The following MRPL3 variants were observed in gnomAD, a reference collection of about 807,000 sequenced individuals.
MRPL3 encodes the protein large ribosomal subunit protein uL3m.
MRPL3 carries 43 observed loss-of-function variants against 44.3 expected under a neutral mutation model. The ratio of observed to expected loss-of-function variants is 0.97; its 90% CI spans 0.76 to 1.25. The LOEUF (loss-of-function observed/expected upper bound fraction) is 1.25. Among genes scored for constraint, MRPL3 ranks in the 50% most tolerant of loss-of-function variants. MRPL3 has a pLI of 0.00. For missense variants in MRPL3, 406 were observed against 427.6 expected (o/e 0.95, Z 0.45); for synonymous variants, 171 against 152.3 (o/e 1.12, Z -0.91).
chr3:131,490,722 A>T (rs1439073409), intron 4 of MRPL3, among the ~76,000 whole-genome samples: 1 of 152,236 alleles, frequency 6.6e-6, no homozygotes, highest in Non-Finnish European at 1.5e-5. Context: ...TATTAACAGT[A>T]CTATCCTCCC....
intron 4 of MRPL3, among the ~76,000 whole-genome samples, chr3:131,494,280 GCTGAAATT>G (rs1299630980): frequency 6.6e-6 from 1 of 152,052 alleles, no homozygotes; most frequent in Non-Finnish European, 1.5e-5. Context: ...TTTCCTACAC[GCTGAAATT>G]AACACTAACA....
intron 9 of MRPL3, among the ~76,000 whole-genome samples, chr3:131,463,513 C>G (rs66495234): frequency 0.085 from 12,993 of 152,034 alleles, 1,009 homozygotes; most frequent in African/African-American, 0.21. Context: ...CTTCCATGGC[C>G]TTAGTGCATT....
intron 6 of MRPL3, among the ~76,000 whole-genome samples, chr3:131,482,743 C>T (rs1439240333): frequency 6.6e-6 from 1 of 151,986 alleles, no homozygotes; most frequent in Non-Finnish European, 1.5e-5. Context: ...AGTCTTCTGA[C>T]TTCAAATTTT....
intron 6 of MRPL3, among the ~76,000 whole-genome samples, chr3:131,484,092 T>C (rs1243974882): frequency 1.3e-5 from 2 of 152,210 alleles, no homozygotes; most frequent in Non-Finnish European, 1.5e-5. Context: ...TTTAATTACA[T>C]TAAACTTGCT....
At chr3:131,490,327 C>T (rs1321729202) in intron 4 of MRPL3, among the ~76,000 whole-genome samples, 3 of 152,038 alleles carry the variant, frequency 2.0e-5, no homozygotes, top group African/African-American at 7.2e-5. Context: ...AAATATAGCA[C>T]ACTGGGAAAG....
At chr3:131,477,181 A>G (rs2110700612) in intron 6 of MRPL3, among the ~76,000 whole-genome samples, 1 of 152,266 alleles carries the variant, frequency 6.6e-6, no homozygotes, top group South Asian at 2.1e-4. Flanking sequence ...ATGATTCTGG[A>G]TATACTTGTC....
At chr3:131,474,563 G>A (rs749984527) in intron 6 of MRPL3, among the ~76,000 whole-genome samples, 7 of 152,084 alleles carry the variant, frequency 4.6e-5, no homozygotes, top group Non-Finnish European at 8.8e-5. Flanking sequence ...ACAAAAAAAT[G>A]ATAAATGCAT....
chr3:131,471,118 T>C, intron 7 of MRPL3, 53 bp downstream of exon 7: 2 of 1,236,174 alleles, frequency 1.6e-6, no homozygotes, highest in Non-Finnish European at 2.4e-6. Flanking sequence ...GAGGACTACA[T>C]GTGCAGAAGT....
chr3:131,502,651 G>T, intron 1 of MRPL3, 79 bp downstream of exon 1: 1 of 1,235,404 alleles, frequency 8.1e-7, no homozygotes, highest in Admixed American at 2.3e-5. Flanking sequence ...CCTCCACCCA[G>T]GGGAGGCCCA....
intron 5 of MRPL3, 40 bp downstream of exon 5, chr3:131,489,941 G>T: frequency 8.2e-7 from 1 of 1,222,568 alleles, no homozygotes; most frequent in Non-Finnish European, 1.2e-6. Flanking sequence ...TTGCATATTT[G>T]GGTATTTTTA....
intron 9 of MRPL3, among the ~76,000 whole-genome samples, chr3:131,467,163 C>T (rs1450749128): frequency 6.6e-6 from 1 of 152,008 alleles, no homozygotes; most frequent in Non-Finnish European, 1.5e-5. Context: ...CAAACAATAG[C>T]AATTCATTCT....
intron 6 of MRPL3, among the ~76,000 whole-genome samples, chr3:131,481,640 C>T (rs959442348): frequency 6.6e-6 from 1 of 152,168 alleles, no homozygotes; most frequent in African/African-American, 2.4e-5. Context: ...AATAAGGAGG[C>T]AACTATAGAT....
intron 6 of MRPL3, among the ~76,000 whole-genome samples, chr3:131,482,282 T>C (rs1934005825): frequency 6.6e-6 from 1 of 151,990 alleles, no homozygotes; most frequent in Admixed American, 6.6e-5. Flanking sequence ...TTTGAGAGGC[T>C]GAGGCAGGCG....
At chr3:131,477,664 G>C (rs1229915318) in intron 6 of MRPL3, among the ~76,000 whole-genome samples, 1 of 151,826 alleles carries the variant, frequency 6.6e-6, no homozygotes, top group Non-Finnish European at 1.5e-5. Context: ...ATTATTGTGA[G>C]GCAAACTCCA....
At chr3:131,497,563 GT>G (rs1934398120) in intron 4 of MRPL3, among the ~76,000 whole-genome samples, 1 of 151,950 alleles carries the variant, frequency 6.6e-6, no homozygotes, top group Non-Finnish European at 1.5e-5. Context: ...TTTGAGAAAG[GT>G]TTTCTGGTTT....
intron 9 of MRPL3, among the ~76,000 whole-genome samples, chr3:131,467,160 T>C (rs988133494): frequency 2.6e-5 from 4 of 152,072 alleles, no homozygotes; most frequent in East Asian, 1.9e-4. Context: ...CCACAAACAA[T>C]AGCAATTCAT....
At chr3:131,486,103 G>T (rs1582712850) in intron 6 of MRPL3, among the ~76,000 whole-genome samples, 1 of 152,022 alleles carries the variant, frequency 6.6e-6, no homozygotes, top group East Asian at 1.9e-4. Flanking sequence ...TTTAATAAAT[G>T]GTGCTGGGAA....
intron 9 of MRPL3, among the ~76,000 whole-genome samples, chr3:131,467,654 C>T (rs1017297734): frequency 2.0e-5 from 3 of 152,126 alleles, no homozygotes; most frequent in African/African-American, 7.2e-5. Context: ...TCTCCTTCCC[C>T]TTTTGCCATG....
rs977815430 is a variant in MRPL3, at chr3:131,493,965, C to T, written c.469-3885G>A. Among the ~76,000 whole-genome samples the T allele has an allele frequency of 3.9e-5, 6 of 152,294 alleles. No individual in the cohort carries two copies. In the East Asian group the frequency reaches 7.7e-4, roughly 20 times the overall value. ...ATATAATATGTGAATACTTAGCAAACTTTAGTTACTTGTTCAGTTTAAAAT... is the reference window on the plus strand; with the variant it reads ...ATATAATATGTGAATACTTAGCAAATTTTAGTTACTTGTTCAGTTTAAAAT... On this transcript the variant is annotated intron_variant, in intron 4 of 9. Coordinates refer to ENST00000264995, the MANE Select transcript of MRPL3 (RefSeq NM_007208.4).
Sources: allele counts gnomAD v4.1 joint callset (sites outside exome capture counted in the v4.1 genomes callset), GRCh38; gene constraint gnomAD v4.1.1; transcripts MANE v1.5; gene names NCBI Gene and HGNC (gene_info 2026-07-23, HGNC 2026-07-21).